MYO3B: variants seen among roughly 807,000 people sequenced by gnomAD.
MYO3B encodes the protein myosin-IIIb.
MYO3B carries 156 observed loss-of-function variants against 174.6 expected under a neutral mutation model. The ratio of observed to expected loss-of-function variants is 0.89; its 90% CI spans 0.78 to 1.02. The LOEUF (loss-of-function observed/expected upper bound fraction) is 1.02, where lower values mean the gene tolerates loss of function less well. Among genes scored for constraint, MYO3B ranks in the 50% least tolerant of loss-of-function variants. The pLI is 0.00. For missense variants in MYO3B, 1,632 were observed against 1,639.4 expected (o/e 1.00, Z 0.08); for synonymous variants, 563 against 569.1 (o/e 0.99, Z 0.15).
chr2:170,438,236 A>C lies in MYO3B; in HGVS notation c.2651-5731A>C, dbSNP rs571154710. ...AGCCTAACGTCCTCCAGGTTCATCC[A>C]TGTTGTAGTGTATGGCAGGATTTCC... is the stretch of plus-strand genomic sequence containing the variant. On this transcript the variant is annotated intron_variant, in intron 22 of 34. Transcript: ENST00000408978. Among the ~76,000 whole-genome samples, 16 of 152,142 alleles carry C rather than the reference A, an allele frequency of 1.1e-4. 1 individual carries two copies. In the South Asian group the frequency reaches 3.3e-3, roughly 32 times the overall value.
At chr2:170,218,874 G>A (rs997926103) in intron 6 of MYO3B, among the ~76,000 whole-genome samples, 3 of 152,150 alleles carry the variant, frequency 2.0e-5, no homozygotes, top group Non-Finnish European at 4.4e-5. Flanking sequence ...ATCCCACTTT[G>A]AGAAGCACTG....
At chr2:170,403,368 C>A (rs1055230066) in intron 19 of MYO3B, among the ~76,000 whole-genome samples, 1 of 152,104 alleles carries the variant, frequency 6.6e-6, no homozygotes, top group East Asian at 1.9e-4. Context: ...CTACACTAGC[C>A]CTCCCTATCC....
intron 32 of MYO3B, among the ~76,000 whole-genome samples, chr2:170,577,112 G>T (rs938376243): frequency 5.9e-5 from 9 of 152,066 alleles, no homozygotes; most frequent in African/African-American, 2.2e-4. Context: ...AACCATTGTT[G>T]CATCCCTTGG....
In MYO3B at chr2:170,498,581, T is replaced by C. The variant is rs766411251; in HGVS notation, c.3015-11T>C. 104 of 1,597,388 alleles carry C rather than the reference T, an allele frequency of 6.5e-5. No individual in the cohort carries two copies. Among genetic ancestry groups the C allele is most frequent in the Non-Finnish European group, 8.6e-5 (100 of 1,165,314 alleles). ...ACTGAAAAGGCTTCACTTAATTCTT[T>C]TATTTTGCAGGTATTATTACTTGGC... On this transcript the variant is annotated splice_polypyrimidine_tract_variant and intron_variant, in intron 25 of 34. Coordinates refer to ENST00000408978, the MANE Select transcript of MYO3B (RefSeq NM_138995.5).
At chr2:170,388,619 C>T (rs913555294) in intron 14 of MYO3B, among the ~76,000 whole-genome samples, 6 of 152,214 alleles carry the variant, frequency 3.9e-5, no homozygotes, top group East Asian at 1.9e-4. Flanking sequence ...GAGATGATCA[C>T]GCTAGCTTCA....
At chr2:170,379,335 C>G (rs1251040306) in intron 9 of MYO3B, among the ~76,000 whole-genome samples, 1 of 152,044 alleles carries the variant, frequency 6.6e-6, no homozygotes, top group African/African-American at 2.4e-5. Flanking sequence ...GCTGGGGCTA[C>G]AGGCGTGCAC....
chr2:170,524,439 C>G, intron 30 of MYO3B: 1 of 409,804 alleles, frequency 2.4e-6, no homozygotes, highest in East Asian at 7.6e-5. Context: ...ATAACAACTG[C>G]TAGCATTTGG....
In MYO3B at chr2:170,519,518, C is replaced by A. The variant is rs926657581; in HGVS notation, c.3553C>A (p.Pro1185Thr). 6 of 1,614,004 alleles carry A rather than the reference C, an allele frequency of 3.7e-6. No individual in the cohort carries two copies. Among genetic ancestry groups the A allele is most frequent in the East Asian group, 2.2e-5 (1 of 44,872 alleles). The change falls in exon 30 of 35, where the codon CCT becomes ACT. Residue 1185 changes from proline (P) to threonine (T), a missense_variant. Transcript: ENST00000408978. Reference protein sequence around the residue: ...NGRTQTSSNSPAVTEKNGHSQ... With the variant: ...NGRTQTSSNSTAVTEKNGHSQ... ...CCGTACACAGACTTCAAGCAACTCT[C>A]CTGCTGTCACAGAGAAAAATGGGTG... is the stretch of plus-strand genomic sequence containing the variant.
intron 6 of MYO3B, among the ~76,000 whole-genome samples, chr2:170,218,019 A>G (rs1183023124): frequency 6.6e-6 from 1 of 152,224 alleles, no homozygotes; most frequent in African/African-American, 2.4e-5. Context: ...TTAATTCCAC[A>G]GTATGCTGAC....
chr2:170,458,960 A>T (rs1165736091), intron 23 of MYO3B, among the ~76,000 whole-genome samples: 18 of 152,086 alleles, frequency 1.2e-4, no homozygotes, highest in Admixed American at 1.2e-3. Flanking sequence ...CCTCGCGGTG[A>T]GTGTTACAGT....
chr2:170,457,498 A>AT (rs1248102696), intron 23 of MYO3B, among the ~76,000 whole-genome samples: 1 of 152,188 alleles, frequency 6.6e-6, no homozygotes, highest in East Asian at 1.9e-4. Context: ...TATTTTTAAA[A>AT]TTTTTTGTGA....
At chr2:170,196,056 C>CAATTGATGGAT (rs2092596727) in intron 1 of MYO3B, among the ~76,000 whole-genome samples, 1 of 152,166 alleles carries the variant, frequency 6.6e-6, no homozygotes, top group South Asian at 2.1e-4. Context: ...GGGGCAGCCA[C>CAATTGATGGAT]AATTGATGGA....
chr2:170,335,406 T>A lies in MYO3B; in HGVS notation c.771T>A (p.Leu257=). 1.9e-6 allele frequency: 3 copies of A among 1,611,588 alleles called. No individual in the cohort carries two copies. The highest frequency in any genetic ancestry group is 2.5e-6 in the Non-Finnish European group (3 of 1,178,892). The change falls in exon 8 of 35, where the codon CTT becomes CTA. Residue 257 remains leucine (L), a synonymous_variant. Coordinates refer to ENST00000408978, the MANE Select transcript of MYO3B (RefSeq NM_138995.5). ...KIPRNPPPTL[L]HPEKWCEEFN... Reference sequence around the variant, plus strand: ...TCAGAAATCCTCCACCTACTTTACTTCATCCAGAAAAATGGTGTGAAGAAT... The same window carrying A: ...TCAGAAATCCTCCACCTACTTTACTACATCCAGAAAAATGGTGTGAAGAAT...
intron 8 of MYO3B, chr2:170,348,225 GTGGTGTTGTTGTTGT>G (rs1046904376): frequency 6.7e-6 from 1 of 150,290 alleles, no homozygotes; most frequent in African/African-American, 2.4e-5. Flanking sequence ...ACATAATATT[GTGGTGTTGTTGTTGT>G]TGTTGTTGTT....
chr2:170,605,931 T>C (rs1262865497), intron 32 of MYO3B, among the ~76,000 whole-genome samples: 2 of 152,088 alleles, frequency 1.3e-5, no homozygotes, highest in Non-Finnish European at 2.9e-5. Context: ...CTTGCTGGTC[T>C]CCTTTCCCTC....
chr2:170,400,829 G>GGTTTTTTT (rs60401794), intron 17 of MYO3B, among the ~76,000 whole-genome samples: 1 of 150,894 alleles, frequency 6.6e-6, no homozygotes, highest in African/African-American at 2.4e-5. Flanking sequence ...TTTGAGCAGT[G>GGTTTTTTT]TTTTTTTCTT....
intron 7 of MYO3B, among the ~76,000 whole-genome samples, chr2:170,287,609 C>T (rs1405178763): frequency 1.3e-5 from 2 of 151,784 alleles, no homozygotes; most frequent in Non-Finnish European, 2.9e-5. Context: ...TTTGTTTGAG[C>T]TCCTTATATA....
chr2:170,335,871 G>T (rs1187641621), intron 8 of MYO3B, among the ~76,000 whole-genome samples: 1 of 152,112 alleles, frequency 6.6e-6, no homozygotes, highest in African/African-American at 2.4e-5. Context: ...TGGGAACAAG[G>T]GTCCAGTTTC....
chr2:170,491,459 C>T (rs1056200252), intron 25 of MYO3B, among the ~76,000 whole-genome samples: 4 of 30,988 alleles, frequency 1.3e-4, no homozygotes, highest in African/African-American at 5.3e-4. Context: ...AAGACGGAGT[C>T]TCTGTCGACA....
Sources: gnomAD v4.1 joint callset for allele counts (sites outside exome capture counted in the v4.1 genomes callset) on GRCh38, gnomAD v4.1.1 for gene constraint, MANE v1.5 for transcripts, NCBI Gene and HGNC (gene_info 2026-07-23, HGNC 2026-07-21) for gene names.